The following COMMD10 variants were observed in gnomAD, a reference collection of about 807,000 sequenced individuals.
The protein encoded by COMMD10 is COMM domain containing 10.
COMMD10 carries 33 observed loss-of-function variants against 28.9 expected under a neutral mutation model. The observed-to-expected ratio is 1.14, with a 90% CI of 0.87 to 1.53. COMMD10 has a LOEUF of 1.53. COMMD10 is among the 40% of genes most tolerant of loss of function. The pLI, the probability that COMMD10 is intolerant of heterozygous loss-of-function variation, is 0.00. For synonymous variants in COMMD10, 110 were observed against 81.7 expected, an observed-to-expected ratio of 1.35 and a Z score of -1.87; for missense variants, 310 against 233.4, an observed-to-expected ratio of 1.33 and a Z score of -2.14.
chr5:116,255,947 A>G (rs1750272402), intron 5 of COMMD10: 1 of 151,636 alleles, frequency 6.6e-6, no homozygotes, highest in Admixed American at 6.6e-5. Context: ...GAAACGTTGC[A>G]GTTAGATCCA....
At chr5:116,250,829 T>C (rs1013510654) in intron 5 of COMMD10, among the ~76,000 whole-genome samples, 3 of 151,950 alleles carry the variant, frequency 2.0e-5, no homozygotes, top group Non-Finnish European at 4.4e-5. Context: ...ACTGGGACAA[T>C]TGGCTCACCT....
At chr5:116,172,531 A>G (rs1753369062) in intron 5 of COMMD10, among the ~76,000 whole-genome samples, 1 of 152,180 alleles carries the variant, frequency 6.6e-6, no homozygotes, top group South Asian at 2.1e-4. Flanking sequence ...GCTTTCTGTT[A>G]TCTACCCTAG....
chr5:116,190,032 C>T (rs560706593), intron 5 of COMMD10, among the ~76,000 whole-genome samples: 1 of 152,260 alleles, frequency 6.6e-6, no homozygotes, highest in East Asian at 1.9e-4. Flanking sequence ...TATGCCTAAG[C>T]AATCAGCACG....
intron 4 of COMMD10, among the ~76,000 whole-genome samples, chr5:116,097,434 G>C (rs1450489892): frequency 6.6e-6 from 1 of 152,138 alleles, no homozygotes; most frequent in Non-Finnish European, 1.5e-5. Context: ...GGTTTAAAAA[G>C]TTGCCCATGA....
intron 5 of COMMD10, among the ~76,000 whole-genome samples, chr5:116,222,449 T>G (rs1344591953): frequency 6.6e-6 from 1 of 152,188 alleles, no homozygotes; most frequent in African/African-American, 2.4e-5. Flanking sequence ...ATATTCAAAT[T>G]ATATTAAATT....
At chr5:116,187,046 A>G (rs1748160341) in intron 5 of COMMD10, among the ~76,000 whole-genome samples, 1 of 152,122 alleles carries the variant, frequency 6.6e-6, no homozygotes, top group Non-Finnish European at 1.5e-5. Flanking sequence ...ATTGAGTACT[A>G]CTCAGTGTAT....
chr5:116,267,837 A>T (rs1413636072), intron 5 of COMMD10, among the ~76,000 whole-genome samples: 2 of 151,954 alleles, frequency 1.3e-5, no homozygotes, highest in Non-Finnish European at 2.9e-5. Context: ...TGAGAAAAAC[A>T]AGCAATGGGG....
At chr5:116,200,916 G>C (rs768168171) in intron 5 of COMMD10, among the ~76,000 whole-genome samples, 27 of 152,210 alleles carry the variant, frequency 1.8e-4, no homozygotes, top group Non-Finnish European at 3.4e-4. Context: ...TGCTTGTTCT[G>C]TCCTCTTCAA....
intron 5 of COMMD10, among the ~76,000 whole-genome samples, chr5:116,275,637 A>C (rs750934303): frequency 6.6e-6 from 1 of 151,814 alleles, no homozygotes; most frequent in Non-Finnish European, 1.5e-5. Context: ...AATTAGTCTC[A>C]ATATCCATAA....
chr5:116,148,751 A>G (rs1752420233), intron 5 of COMMD10, among the ~76,000 whole-genome samples: 1 of 151,898 alleles, frequency 6.6e-6, no homozygotes, highest in African/African-American at 2.4e-5. Flanking sequence ...TTGTGTATCA[A>G]AGAACATTGT....
At chr5:116,204,340 G>A (rs935314494) in intron 5 of COMMD10, among the ~76,000 whole-genome samples, 16 of 152,134 alleles carry the variant, frequency 1.1e-4, no homozygotes, top group African/African-American at 3.9e-4. Context: ...TTTTCTGAAA[G>A]GTGATATGAA....
intron 5 of COMMD10, among the ~76,000 whole-genome samples, chr5:116,139,904 A>G (rs1382919088): frequency 6.6e-6 from 1 of 151,812 alleles, no homozygotes; most frequent in Non-Finnish European, 1.5e-5. Context: ...TAAAGCACGT[A>G]AAATCTATTT....
intron 5 of COMMD10, among the ~76,000 whole-genome samples, chr5:116,273,650 G>C (rs7701174): frequency 6.6e-6 from 1 of 151,566 alleles, no homozygotes; most frequent in Non-Finnish European, 1.5e-5. Context: ...GTGAAGCTTC[G>C]TTATGCTATG....
chr5:116,215,759 CT>C (rs1749083794), intron 5 of COMMD10, among the ~76,000 whole-genome samples: 1 of 141,248 alleles, frequency 7.1e-6, no homozygotes, highest in Non-Finnish European at 1.6e-5. Context: ...AAATATAGTA[CT>C]TTATTTAAAA....
At chr5:116,182,427 G>T (rs1200286843) in intron 5 of COMMD10, among the ~76,000 whole-genome samples, 1 of 151,918 alleles carries the variant, frequency 6.6e-6, no homozygotes, top group African/African-American at 2.4e-5. Context: ...GGGTGTCAGT[G>T]AGCTCAGCTG....
intron 5 of COMMD10, among the ~76,000 whole-genome samples, chr5:116,211,702 A>G (rs980320287): frequency 3.3e-5 from 5 of 152,168 alleles, no homozygotes; most frequent in African/African-American, 1.2e-4. Flanking sequence ...GAGTATTTTA[A>G]ATAAGTAGAT....
intron 4 of COMMD10, among the ~76,000 whole-genome samples, chr5:116,130,871 A>G (rs950283535): frequency 1.3e-5 from 2 of 151,710 alleles, no homozygotes; most frequent in African/African-American, 4.8e-5. Context: ...CATAATAAGT[A>G]TAACATTGTA....
At chr5:116,234,157 G>T (rs1749599182) in intron 5 of COMMD10, among the ~76,000 whole-genome samples, 2 of 152,152 alleles carry the variant, frequency 1.3e-5, no homozygotes, top group South Asian at 4.1e-4. Context: ...TGCTATGGAA[G>T]TCAGGTGACA....
chr5:116,140,229 CTATGTGTG>C (rs1161930684), intron 5 of COMMD10, among the ~76,000 whole-genome samples: 9 of 122,310 alleles, frequency 7.4e-5, no homozygotes, highest in African/African-American at 3.0e-4. Context: ...ACTCATACTA[CTATGTGTG>C]TGTGTGTGTG....
Sources: allele counts gnomAD v4.1 joint callset (sites outside exome capture counted in the v4.1 genomes callset), GRCh38; gene constraint gnomAD v4.1.1; transcripts MANE v1.5; gene names NCBI Gene and HGNC (gene_info 2026-07-23, HGNC 2026-07-21).